SLC24A3: variants seen among roughly 807,000 people sequenced by gnomAD.
The protein encoded by SLC24A3 is sodium/potassium/calcium exchanger 3.
A neutral mutation model predicts 75.8 loss-of-function variants in SLC24A3; 28 were observed. The observed-to-expected ratio is 0.37, with a 90% CI of 0.27 to 0.51. The LOEUF is 0.51. Ranked by LOEUF, SLC24A3 falls within the 20% of genes least tolerant of loss-of-function variation. The probability of loss-of-function intolerance (pLI) is 0.94; values close to 1 mark genes in which losing one functional copy is unlikely to be tolerated. For missense variants in SLC24A3, 663 were observed against 847.8 expected, an observed-to-expected ratio of 0.78 and a Z score of 2.71; for synonymous variants, 372 against 334.1, an observed-to-expected ratio of 1.11 and a Z score of -1.24.
chr20:19,708,748 ACGAGGC>A (rs2032956932), intron 15 of SLC24A3, among the ~76,000 whole-genome samples: 1 of 152,220 alleles, frequency 6.6e-6, no homozygotes, highest in Non-Finnish European at 1.5e-5. Flanking sequence ...GTCTTAATGA[ACGAGGC>A]TTCTCAAGGT....
At chr20:19,519,057 C>A (rs533081991) in intron 3 of SLC24A3, among the ~76,000 whole-genome samples, 85 of 152,176 alleles carry the variant, frequency 5.6e-4, no homozygotes, top group Non-Finnish European at 1.1e-3. Context: ...GGCCATGGGG[C>A]TGTCTTTTCC....
chr20:19,429,342 AAAAGAG>A (rs1987063634), intron 2 of SLC24A3, among the ~76,000 whole-genome samples: 1 of 152,270 alleles, frequency 6.6e-6, no homozygotes, highest in Non-Finnish European at 1.5e-5. Context: ...TATTTCTGAG[AAAAGAG>A]AATTACACCT....
At chr20:19,585,339 TA>T in intron 5 of SLC24A3, 101 bp from the exon 6 acceptor site, 2 of 1,143,848 alleles carry the variant, frequency 1.7e-6, no homozygotes, top group East Asian at 4.7e-5. Context: ...CTGTTTCCTG[TA>T]GATTCTGAGA....
chr20:19,250,270 C>T (rs1982610721), intron 1 of SLC24A3, among the ~76,000 whole-genome samples: 2 of 152,244 alleles, frequency 1.3e-5, no homozygotes, highest in African/African-American at 4.8e-5. Flanking sequence ...TTACCTCTCA[C>T]TTGCACAAAT....
In SLC24A3 at chr20:19,444,799, T is replaced by C. The variant is rs1987353093; in HGVS notation, c.272-70689T>C. On this transcript the variant is annotated intron_variant, in intron 2 of 16. Coordinates refer to ENST00000328041, the MANE Select transcript of SLC24A3 (RefSeq NM_020689.4). Reference sequence around the variant, plus strand: ...GCTGATTTTATCTATTTTTTTAACCTTTTTAGTTTCATTGATTTCTGCTCT... The same window carrying C: ...GCTGATTTTATCTATTTTTTTAACCCTTTTAGTTTCATTGATTTCTGCTCT... 3.3e-5 allele frequency among the ~76,000 whole-genome samples: 5 copies of C among 152,246 alleles called. No homozygotes were observed. In the South Asian group the frequency reaches 1.0e-3, roughly 32 times the overall value.
chr20:19,339,563 G>A (rs180878227), intron 2 of SLC24A3, among the ~76,000 whole-genome samples: 1 of 152,338 alleles, frequency 6.6e-6, no homozygotes, highest in East Asian at 1.9e-4. Context: ...AAATTGTTAA[G>A]TAAATGCTGG....
chr20:19,568,328 C>T (rs2122618587), intron 3 of SLC24A3, among the ~76,000 whole-genome samples: 1 of 152,242 alleles, frequency 6.6e-6, no homozygotes, highest in South Asian at 2.1e-4. Flanking sequence ...AAGAATATTG[C>T]ATCATTCACA....
At chr20:19,307,740 G>A (rs1984365054) in intron 2 of SLC24A3, among the ~76,000 whole-genome samples, 2 of 152,130 alleles carry the variant, frequency 1.3e-5, no homozygotes, top group East Asian at 1.9e-4. Flanking sequence ...TGCATGTTCA[G>A]CACGTGTATC....
At chr20:19,620,700 G>T (rs183083257) in intron 6 of SLC24A3, among the ~76,000 whole-genome samples, 3 of 152,158 alleles carry the variant, frequency 2.0e-5, no homozygotes, top group Admixed American at 6.5e-5. Flanking sequence ...TAACGCATGT[G>T]TTGCTTACCT....
At chr20:19,522,319 G>T (rs993107027) in intron 3 of SLC24A3, among the ~76,000 whole-genome samples, 7 of 152,130 alleles carry the variant, frequency 4.6e-5, no homozygotes. Context: ...TCAAGGGCTG[G>T]CCTGGCTTTA....
At chr20:19,336,682 C>T (rs1397401114) in intron 2 of SLC24A3, among the ~76,000 whole-genome samples, 5 of 114,048 alleles carry the variant, frequency 4.4e-5, no homozygotes, top group Admixed American at 8.7e-5. Flanking sequence ...TGTGCCCGCC[C>T]GCCACCCCCC....
At chr20:19,544,878 T>G (rs1035667731) in intron 3 of SLC24A3, among the ~76,000 whole-genome samples, 3 of 152,116 alleles carry the variant, frequency 2.0e-5, no homozygotes, top group Admixed American at 2.0e-4. Flanking sequence ...ATGGCCACCA[T>G]GAACTTGAAC....
chr20:19,270,142 G>C (rs905933437), intron 1 of SLC24A3, among the ~76,000 whole-genome samples: 1 of 152,066 alleles, frequency 6.6e-6, no homozygotes, highest in African/African-American at 2.4e-5. Flanking sequence ...GCCCAGTTGG[G>C]GTGCACATTT....
intron 2 of SLC24A3, among the ~76,000 whole-genome samples, chr20:19,286,471 A>G (rs1044758891): frequency 1.3e-5 from 2 of 152,148 alleles, no homozygotes; most frequent in African/African-American, 4.8e-5. Flanking sequence ...GGGCTGGTTT[A>G]AAATCAGAGG....
intron 1 of SLC24A3, among the ~76,000 whole-genome samples, chr20:19,225,192 C>T (rs1012121164): frequency 6.6e-6 from 1 of 152,128 alleles, no homozygotes; most frequent in African/African-American, 2.4e-5. Flanking sequence ...TACGAGTTTT[C>T]AACTTTTTTC....
In SLC24A3 at chr20:19,721,781, G is replaced by A. The variant is rs1049069988; in HGVS notation, c.*641G>A. 4 of 152,878 alleles carry A rather than the reference G, an allele frequency of 2.6e-5. No individual in the cohort carries two copies. Among genetic ancestry groups the A allele is most frequent in the African/African-American group, 7.2e-5 (3 of 41,456 alleles). 9.5% of individuals were successfully genotyped at this position (152,878 alleles called of 1,614,324 possible). ...GGGCTTGCATCCCAGATGTGTTGGA[G>A]TATGCATGGATGTAGTGCTTTTTAG... is the stretch of plus-strand genomic sequence containing the variant. On this transcript the variant is annotated 3_prime_UTR_variant, in exon 17 of 17. Coordinates refer to ENST00000328041, the MANE Select transcript of SLC24A3 (RefSeq NM_020689.4).
chr20:19,533,678 G>A (rs1485751225), intron 3 of SLC24A3, among the ~76,000 whole-genome samples: 1 of 152,178 alleles, frequency 6.6e-6, no homozygotes, highest in Non-Finnish European at 1.5e-5. Context: ...GCAAGAGCTT[G>A]GGCAGGAGAG....
chr20:19,503,159 C>A (rs1988412199), intron 2 of SLC24A3, among the ~76,000 whole-genome samples: 1 of 152,016 alleles, frequency 6.6e-6, no homozygotes, highest in Non-Finnish European at 1.5e-5. Flanking sequence ...TCCTAAGATA[C>A]CTCTCATGTC....
intron 6 of SLC24A3, among the ~76,000 whole-genome samples, chr20:19,640,802 A>G (rs902007897): frequency 5.3e-5 from 8 of 152,224 alleles, no homozygotes; most frequent in Admixed American, 5.2e-4. Flanking sequence ...TACAATTATC[A>G]CTGAACTTTT....
Sources: allele counts gnomAD v4.1 joint callset (sites outside exome capture counted in the v4.1 genomes callset), GRCh38; gene constraint gnomAD v4.1.1; transcripts MANE v1.5; gene names NCBI Gene and HGNC (gene_info 2026-07-23, HGNC 2026-07-21).